EEA1: variants seen among roughly 807,000 people sequenced by gnomAD.
EEA1 encodes early endosome antigen 1, 162kD.
In EEA1, 111 loss-of-function variants were observed where a neutral mutation model predicts 209.2. The observed-to-expected ratio is 0.53, with a 90% CI of 0.45 to 0.62. The LOEUF is 0.62. Ranked by LOEUF, EEA1 falls within the 20% of genes least tolerant of loss-of-function variation. EEA1 has a pLI of 0.00. For missense variants in EEA1, 1,343 were observed against 1,530.8 expected (o/e 0.88, Z 2.05); for synonymous variants, 536 against 540.6 (o/e 0.99, Z 0.12).
chr12:92,886,194 GA>G (rs201671638), intron 2 of EEA1, among the ~76,000 whole-genome samples: 16,104 of 117,492 alleles, frequency 0.14, 1,106 homozygotes, highest in African/African-American at 0.21. Flanking sequence ...GATCAAATTT[GA>G]AAAAAAAAAA....
chr12:92,844,313 A>T (rs568973279), intron 9 of EEA1, among the ~76,000 whole-genome samples: 1 of 152,270 alleles, frequency 6.6e-6, no homozygotes, highest in African/African-American at 2.4e-5. Context: ...AATATGTCTG[A>T]GATATGTGCA....
chr12:92,801,721 A>G lies in EEA1; in HGVS notation c.2671-20T>C, dbSNP rs1874923728. The G allele has an allele frequency of 4.1e-6, 6 of 1,472,660 alleles. No homozygotes were observed. The highest frequency in any genetic ancestry group is 4.6e-6 in the Non-Finnish European group (5 of 1,095,200). 91.2% of individuals were successfully genotyped at this position (1,472,660 alleles called of 1,614,324 possible). On this transcript the variant is annotated intron_variant, in intron 19 of 28. Coordinates refer to ENST00000322349, the MANE Select transcript of EEA1 (RefSeq NM_003566.4). ...TTTTTCCTTAAAAAAAATGAAAACT[A>G]TATTACATAAAAAATATTTGTAATA...
intron 9 of EEA1, 121 bp downstream of exon 9, chr12:92,850,990 A>G: frequency 6.3e-6 from 6 of 954,906 alleles, no homozygotes; most frequent in Non-Finnish European, 9.0e-6. Flanking sequence ...CAGATCAAAA[A>G]TGAAAGAAAG....
chr12:92,892,583 GCTCTGTCATCCAGGCTGGTCTCA>G (rs76949375), intron 1 of EEA1, among the ~76,000 whole-genome samples: 38,081 of 150,490 alleles, frequency 0.25, 5,286 homozygotes, highest in Non-Finnish European at 0.32. Flanking sequence ...CAAGAGTCTT[GCTCTGTCATCCAGGCTGGTCTCA>G]CTCTGTCATC....
In EEA1 at chr12:92,861,395, C is replaced by T. The variant is rs538080964; in HGVS notation, c.245+3465G>A. Among the ~76,000 whole-genome samples, 26 of 152,248 alleles carry T rather than the reference C, an allele frequency of 1.7e-4. No individual in the cohort carries two copies. In the South Asian group the frequency reaches 4.1e-3, roughly 24 times the overall value. ...GCTTGGACCCAGGAGGTATCGGTTG[C>T]GGTGAGCCGAGATTGTGCCATTGCA... On this transcript the variant is annotated intron_variant, in intron 3 of 28. Coordinates refer to ENST00000322349, the MANE Select transcript of EEA1 (RefSeq NM_003566.4).
At chr12:92,871,421 G>T (rs181555950) in intron 2 of EEA1, among the ~76,000 whole-genome samples, 1 of 152,278 alleles carries the variant, frequency 6.6e-6, no homozygotes. Flanking sequence ...TAACACTGGA[G>T]TCATTAAGAA....
Position 92,902,474 on chromosome 12 carries a change from G to A in EEA1, c.25-10753C>T, listed in dbSNP as rs1880189616. On this transcript the variant is annotated intron_variant, in intron 1 of 28. Transcript: ENST00000322349. ...AGCTGTAAATCCGGCCGGGTGCGAT[G>A]GCTCACGCCTGTAATCCCAGAAGTT... Among the ~76,000 whole-genome samples, 2 of 152,180 alleles carry A rather than the reference G, an allele frequency of 1.3e-5. 1 individual carries two copies. The highest frequency in any genetic ancestry group is 2.9e-5 in the Non-Finnish European group (2 of 68,036).
intron 13 of EEA1, among the ~76,000 whole-genome samples, chr12:92,825,326 C>T (rs1876242319): frequency 1.3e-5 from 2 of 152,022 alleles, no homozygotes; most frequent in African/African-American, 2.4e-5. Context: ...TGGCGGACGC[C>T]TGTAGTCCCA....
intron 20 of EEA1, 152 bp downstream of exon 20, chr12:92,801,448 A>T: frequency 2.2e-6 from 1 of 450,006 alleles, no homozygotes; most frequent in Middle Eastern, 5.9e-4. Flanking sequence ...TGACCTAAAT[A>T]TCAGTATGAA....
rs1565802768 is a variant in EEA1, at chr12:92,775,916, G to A, written c.*95C>T. 7.5e-7 allele frequency: 1 copy of A among 1,326,296 alleles called. No homozygotes were observed. The highest frequency in any genetic ancestry group is 1.5e-5 in the African/African-American group (1 of 66,742). The allele number at this position is 1,326,296 out of a possible 1,614,324, so 82.2% of individuals were successfully genotyped here. On this transcript the variant is annotated 3_prime_UTR_variant, in exon 29 of 29. Transcript: ENST00000322349. ...CCTATTTGGTCTAGTATTGCAACCA[G>A]TGTCCAAACCAAATAGTAGTCCAAG...
intron 22 of EEA1, among the ~76,000 whole-genome samples, chr12:92,787,609 C>G (rs949184762): frequency 6.6e-6 from 1 of 152,026 alleles, no homozygotes; most frequent in African/African-American, 2.4e-5. Context: ...ACAAAGACAG[C>G]ATAATACTTA....
intron 10 of EEA1, among the ~76,000 whole-genome samples, chr12:92,841,646 A>G (rs972869340): frequency 6.6e-6 from 1 of 152,210 alleles, no homozygotes; most frequent in Non-Finnish European, 1.5e-5. Flanking sequence ...CGTAGTCATT[A>G]GGGGCATGCA....
chr12:92,832,474 G>A (rs753023013), intron 11 of EEA1, 38 bp downstream of exon 11: 1 of 1,546,616 alleles, frequency 6.5e-7, no homozygotes, highest in Non-Finnish European at 8.7e-7. Flanking sequence ...GAAGAAACCA[G>A]AGGGAGAATT....
At chr12:92,788,256 C>T (rs551982153) in intron 21 of EEA1, among the ~76,000 whole-genome samples, 1 of 150,110 alleles carries the variant, frequency 6.7e-6, no homozygotes, top group South Asian at 2.1e-4. Flanking sequence ...ACATAAAATA[C>T]AAAAGTAATT....
At chr12:92,852,059 C>A in intron 8 of EEA1, 116 bp downstream of exon 8, 1 of 803,938 alleles carries the variant, frequency 1.2e-6, no homozygotes, top group Non-Finnish European at 1.8e-6. Context: ...TAGGGAATTG[C>A]TTATTTCCTG....
Position 92,802,376 on chromosome 12 carries a change from C to G in EEA1, c.2670+28G>C, listed in dbSNP as rs558790985. The stretch of plus-strand genomic sequence containing the variant: ...ATTTTAAATAAAATAATCACTTCTA[C>G]CTAAGAAAGTAAATGTAAACTACTA... On this transcript the variant is annotated intron_variant, in intron 19 of 28. Coordinates refer to ENST00000322349, the MANE Select transcript of EEA1 (RefSeq NM_003566.4). 23 of 1,524,130 alleles carry G rather than the reference C, an allele frequency of 1.5e-5. No individual in the cohort carries two copies. In the South Asian group the frequency reaches 2.8e-4, roughly 19 times the overall value. 94.4% of individuals were successfully genotyped at this position (1,524,130 alleles called of 1,614,324 possible). A position where few individuals can be genotyped will look rare whatever the true frequency, so the allele number is the denominator to read the frequency against.
chr12:92,826,176 C>A lies in EEA1; in HGVS notation c.1514G>T (p.Arg505Leu). 1.2e-6 allele frequency: 2 copies of A among 1,613,008 alleles called. No homozygotes were observed. Among genetic ancestry groups the A allele is most frequent in the South Asian group, 1.1e-5 (1 of 90,968 alleles). ...ALQQSTTAKL[R>L]EAQNDLEQVL... Reference sequence around the variant, plus strand: ...GCAACTAATGTTTACCTGAGCTTCTCGAAGTTTTGCCGTGGTGCTTTGCTG... The same window carrying A: ...GCAACTAATGTTTACCTGAGCTTCTAGAAGTTTTGCCGTGGTGCTTTGCTG... The change falls in exon 13 of 29, where the codon CGA becomes CTA. Residue 505 changes from arginine (R) to leucine (L), a missense_variant. Physicochemically the swap from Arg to Leu is moderately radical, Grantham distance 102. This residue lies in a region of EEA1 where 1,307 missense variants were observed against 1,465.5 expected (regional missense o/e 0.89). Transcript: ENST00000322349.
At chr12:92,902,974 A>G (rs976022119) in intron 1 of EEA1, among the ~76,000 whole-genome samples, 16 of 146,538 alleles carry the variant, frequency 1.1e-4, no homozygotes, top group African/African-American at 4.1e-4. Context: ...TCGCTCTGTC[A>G]CCCAGGCTGG....
At chr12:92,814,623 C>T (rs928412399) in intron 15 of EEA1, among the ~76,000 whole-genome samples, 1 of 152,010 alleles carries the variant, frequency 6.6e-6, no homozygotes, top group African/African-American at 2.4e-5. Flanking sequence ...GGAAATGTGG[C>T]TATTCATATA....
Sources: gnomAD v4.1 joint callset for allele counts (sites outside exome capture counted in the v4.1 genomes callset) on GRCh38, gnomAD v4.1.1 for gene constraint, gnomAD v4.1.1 regional missense constraint, MANE v1.5 for transcripts, NCBI Gene and HGNC (gene_info 2026-07-23, HGNC 2026-07-21) for gene names.